Variants in LEKR1 observed in about 807,000 individuals in gnomAD.
LEKR1 encodes the protein leucine, glutamate and lysine rich 1.
Under a neutral mutation model 72.4 loss-of-function variants are expected in LEKR1, and 59 were observed. That is an observed-to-expected ratio of 0.82 (90% CI 0.66 to 1.01). LEKR1 has a LOEUF of 1.01. Among genes scored for constraint, LEKR1 ranks in the 50% least tolerant of loss-of-function variants. The pLI, the probability that LEKR1 is intolerant of heterozygous loss-of-function variation, is 0.00. For missense variants in LEKR1, 728 were observed against 759.2 expected, an observed-to-expected ratio of 0.96 and a Z score of 0.48; for synonymous variants, 257 against 263.2, an observed-to-expected ratio of 0.98 and a Z score of 0.23.
At chr3:156,889,501 A>C (rs758843323) in intron 3 of LEKR1, among the ~76,000 whole-genome samples, 1 of 152,210 alleles carries the variant, frequency 6.6e-6, no homozygotes, top group African/African-American at 2.4e-5. Context: ...ACTCTTTACC[A>C]TGCTGAAATA....
chr3:157,007,516 A>G (rs925625996), intron 9 of LEKR1, among the ~76,000 whole-genome samples: 1 of 152,258 alleles, frequency 6.6e-6, no homozygotes, highest in Non-Finnish European at 1.5e-5. Flanking sequence ...CACTGGTGCC[A>G]GTCAGGTGAC....
chr3:157,028,190 T>C lies in LEKR1; in HGVS notation c.1456T>C (p.Tyr486His). 3 of 1,612,266 alleles carry C rather than the reference T, an allele frequency of 1.9e-6. No individual in the cohort carries two copies. Among genetic ancestry groups the C allele is most frequent in the South Asian group, 1.1e-5 (1 of 90,972 alleles). Reference protein sequence around the residue: ...KEKLHKSHIRYTEESNSKEKE... With the variant: ...KEKLHKSHIRHTEESNSKEKE... ...AAAACTTCACAAATCCCATATTCGGTACACTGAAGAATCTAATTCAAAGGA... is the reference window on the plus strand; with the variant it reads ...AAAACTTCACAAATCCCATATTCGGCACACTGAAGAATCTAATTCAAAGGA... The change falls in exon 12 of 13, where the codon TAC becomes CAC. Residue 486 changes from tyrosine (Y) to histidine (H), a missense_variant. Tyr to His is a moderately conservative substitution (Grantham distance 83). Transcript: ENST00000356539.
chr3:157,023,356 G>A (rs1451919410), intron 10 of LEKR1, among the ~76,000 whole-genome samples: 1 of 152,078 alleles, frequency 6.6e-6, no homozygotes, highest in African/African-American at 2.4e-5. Flanking sequence ...AAAACCAATG[G>A]TTAAAAACCA....
intron 3 of LEKR1, among the ~76,000 whole-genome samples, chr3:156,890,493 A>T (rs1286811247): frequency 6.6e-6 from 1 of 152,214 alleles, no homozygotes; most frequent in African/African-American, 2.4e-5. Flanking sequence ...ATTTGCTTTA[A>T]TAAACCCCCA....
chr3:156,881,368 A>G (rs1162696151), intron 3 of LEKR1, among the ~76,000 whole-genome samples: 2 of 152,146 alleles, frequency 1.3e-5, no homozygotes, highest in Non-Finnish European at 2.9e-5. Context: ...AGACAAACAG[A>G]GAGCCAAATC....
intron 6 of LEKR1, among the ~76,000 whole-genome samples, chr3:156,964,612 A>G (rs569735913): frequency 1.3e-5 from 2 of 152,258 alleles, no homozygotes; most frequent in South Asian, 4.2e-4. Flanking sequence ...GAAGACAAGG[A>G]GAAAACTCCT....
chr3:156,912,435 A>T (rs1723204907), intron 3 of LEKR1, among the ~76,000 whole-genome samples: 1 of 152,172 alleles, frequency 6.6e-6, no homozygotes, highest in Non-Finnish European at 1.5e-5. Context: ...CCCAGCTCCT[A>T]TGCACTGGGC....
intron 5 of LEKR1, among the ~76,000 whole-genome samples, chr3:156,939,779 G>A (rs1178197070): frequency 6.6e-6 from 1 of 151,870 alleles, no homozygotes; most frequent in Non-Finnish European, 1.5e-5. Context: ...AAAATTTCGG[G>A]AAAAATATTT....
intron 12 of LEKR1, among the ~76,000 whole-genome samples, chr3:157,029,899 T>A (rs1734479400): frequency 6.6e-6 from 1 of 152,196 alleles, no homozygotes; most frequent in Admixed American, 6.5e-5. Flanking sequence ...GAGTAACTTA[T>A]AAACTAGGAC....
intron 3 of LEKR1, among the ~76,000 whole-genome samples, chr3:156,859,147 C>T (rs181696316): frequency 6.6e-6 from 1 of 152,122 alleles, no homozygotes; most frequent in African/African-American, 2.4e-5. Context: ...TTAAATTACA[C>T]TGGTTAATTG....
At chr3:156,949,404 T>A (rs887093764) in intron 6 of LEKR1, among the ~76,000 whole-genome samples, 1 of 151,692 alleles carries the variant, frequency 6.6e-6, no homozygotes, top group Non-Finnish European at 1.5e-5. Flanking sequence ...CCCAGCACCG[T>A]TTACTGAATA....
chr3:156,940,108 A>G (rs1403469740), intron 5 of LEKR1, among the ~76,000 whole-genome samples: 1 of 152,164 alleles, frequency 6.6e-6, no homozygotes, highest in Non-Finnish European at 1.5e-5. Context: ...AAAACGATTT[A>G]GAAGCTTTGC....
intron 12 of LEKR1, among the ~76,000 whole-genome samples, chr3:157,044,688 G>A (rs954235660): frequency 6.6e-6 from 1 of 152,164 alleles, no homozygotes; most frequent in Non-Finnish European, 1.5e-5. Context: ...TAGTAACTTG[G>A]TAAATGATTG....
At chr3:156,985,172 A>G (rs577060161) in intron 7 of LEKR1, among the ~76,000 whole-genome samples, 2 of 152,346 alleles carry the variant, frequency 1.3e-5, no homozygotes, top group South Asian at 4.1e-4. Flanking sequence ...TGGAGTAACA[A>G]GATTGGCACA....
intron 2 of LEKR1, among the ~76,000 whole-genome samples, chr3:156,839,574 A>G (rs1424578257): frequency 6.6e-6 from 1 of 152,244 alleles, no homozygotes; most frequent in Admixed American, 6.5e-5. Flanking sequence ...GGGTTTCAAG[A>G]TACTAATCTT....
chr3:156,923,126 C>A (rs193164833), intron 4 of LEKR1, among the ~76,000 whole-genome samples: 1 of 152,016 alleles, frequency 6.6e-6, no homozygotes, highest in African/African-American at 2.4e-5. Flanking sequence ...AGTTTATTAC[C>A]CCGTATCTTT....
intron 2 of LEKR1, among the ~76,000 whole-genome samples, chr3:156,833,538 C>G (rs1006880335): frequency 9.9e-5 from 15 of 152,118 alleles, no homozygotes; most frequent in African/African-American, 3.6e-4. Flanking sequence ...TTGCACAATT[C>G]TGGAACACAT....
Position 157,028,131 on chromosome 3 carries a change from G to A in LEKR1, c.1397G>A (p.Arg466Lys). The change falls in exon 12 of 13, where the codon AGA becomes AAA. Residue 466 changes from arginine to lysine, a missense_variant. Coordinates refer to ENST00000356539, the MANE Select transcript of LEKR1 (RefSeq NM_001004316.3). Reference protein sequence around the residue: ...KISDLITGATRDLRQEVTTLK... With the variant: ...KISDLITGATKDLRQEVTTLK... ...TCTGACTTAATCACAGGCGCTACAAGAGATCTAAGGCAGGAAGTGACCACT... is the reference window on the plus strand; with the variant it reads ...TCTGACTTAATCACAGGCGCTACAAAAGATCTAAGGCAGGAAGTGACCACT... 6.3e-7 allele frequency: 1 copy of A among 1,597,170 alleles called. No homozygotes were observed. Among genetic ancestry groups the A allele is most frequent in the South Asian group, 1.1e-5 (1 of 87,984 alleles).
At chr3:156,859,869 G>C (rs929002534) in intron 3 of LEKR1, among the ~76,000 whole-genome samples, 2 of 152,194 alleles carry the variant, frequency 1.3e-5, no homozygotes, top group African/African-American at 4.8e-5. Context: ...AATACTTTCT[G>C]TCATTCAGTC....
Sources: gnomAD v4.1 joint callset for allele counts (sites outside exome capture counted in the v4.1 genomes callset) on GRCh38, gnomAD v4.1.1 for gene constraint, MANE v1.5 for transcripts, NCBI Gene and HGNC (gene_info 2026-07-23, HGNC 2026-07-21) for gene names.